NF2: variants seen among roughly 807,000 people sequenced by gnomAD.
NF2 encodes the protein merlin.
Under a neutral mutation model 83.7 loss-of-function variants are expected in NF2, and 8 were observed. The ratio of observed to expected loss-of-function variants is 0.10; its 90% CI spans 0.06 to 0.17. The LOEUF (loss-of-function observed/expected upper bound fraction) is 0.17, where lower values mean the gene tolerates loss of function less well. Ranked by LOEUF, NF2 falls within the 10% of genes least tolerant of loss-of-function variation. The pLI is 1.00. For synonymous variants in NF2, 266 were observed against 269.6 expected (o/e 0.99, Z 0.13); for missense variants, 533 against 744.4 (o/e 0.72, Z 3.31).
intron 15 of NF2, chr22:29,682,869 G>C: frequency 1.2e-6 from 1 of 857,010 alleles, no homozygotes; most frequent in Non-Finnish European, 1.9e-6. Flanking sequence ...CAGTGTGAGA[G>C]CTGGAGAGAC....
intron 9 of NF2, among the ~76,000 whole-genome samples, chr22:29,666,701 C>T (rs1215496290): frequency 6.6e-6 from 1 of 152,066 alleles, no homozygotes; most frequent in Non-Finnish European, 1.5e-5. Context: ...GAGGGCCAGG[C>T]ACAGTGGCTC....
intron 15 of NF2, among the ~76,000 whole-genome samples, chr22:29,688,147 G>C (rs2067312862): frequency 6.6e-6 from 1 of 152,236 alleles, no homozygotes; most frequent in Admixed American, 6.5e-5. Flanking sequence ...TTTTGGTTAA[G>C]AGACTTTACC....
chr22:29,691,543 G>A (rs181769493), intron 15 of NF2, among the ~76,000 whole-genome samples: 2 of 152,316 alleles, frequency 1.3e-5, no homozygotes, highest in East Asian at 3.9e-4. Flanking sequence ...AAGAAGACTC[G>A]GAGGCAGAGT....
intron 14 of NF2, among the ~76,000 whole-genome samples, chr22:29,680,425 A>C (rs867349926): frequency 2.6e-5 from 4 of 152,216 alleles, no homozygotes; most frequent in African/African-American, 9.7e-5. Context: ...TTAGGTTTCC[A>C]CATATGAATT....
Position 29,603,749 on chromosome 22 carries a change from T to A in NF2, c.-250T>A. 3.9e-6 allele frequency: 2 copies of A among 515,726 alleles called. No homozygotes were observed. Among genetic ancestry groups the A allele is most frequent in the Non-Finnish European group, 3.4e-6 (1 of 295,076 alleles). 31.9% of individuals were successfully genotyped at this position (515,726 alleles called of 1,614,324 possible). A position where few individuals can be genotyped will look rare whatever the true frequency, so the allele number is the denominator to read the frequency against. On this transcript the variant is annotated 5_prime_UTR_variant, in exon 1 of 16. Transcript: ENST00000338641. Reference sequence around the variant, plus strand: ...GAATCCCGGAGTGCCGGGTCGCGCCTGCACCGAAGGTCCCGGCTCCTGTGC... The same window carrying A: ...GAATCCCGGAGTGCCGGGTCGCGCCAGCACCGAAGGTCCCGGCTCCTGTGC...
intron 1 of NF2, among the ~76,000 whole-genome samples, chr22:29,635,949 A>G (rs2065637220): frequency 6.6e-6 from 1 of 152,208 alleles, no homozygotes; most frequent in African/African-American, 2.4e-5. Context: ...AGGTGGCAAC[A>G]TTTACTAAGT....
intron 4 of NF2, among the ~76,000 whole-genome samples, chr22:29,651,418 T>G (rs1394309329): frequency 6.6e-6 from 1 of 152,216 alleles, no homozygotes; most frequent in Non-Finnish European, 1.5e-5. Context: ...GAGTACCAAA[T>G]TAGGTACAGG....
intron 9 of NF2, among the ~76,000 whole-genome samples, chr22:29,667,741 C>A (rs1056245836): frequency 6.6e-6 from 1 of 152,024 alleles, no homozygotes; most frequent in African/African-American, 2.4e-5. Context: ...TTTTTTATGT[C>A]TTGACAATAA....
chr22:29,609,801 T>A (rs2146694812), intron 1 of NF2, among the ~76,000 whole-genome samples: 1 of 152,300 alleles, frequency 6.6e-6, no homozygotes, highest in East Asian at 1.9e-4. Context: ...GAAAAGTGTC[T>A]TAATGTCTAA....
chr22:29,670,133 G>A (rs1234297332), intron 10 of NF2, among the ~76,000 whole-genome samples: 3 of 151,946 alleles, frequency 2.0e-5, no homozygotes, highest in Non-Finnish European at 2.9e-5. Flanking sequence ...CAAGTAGCTG[G>A]GACTACAAGT....
At position 29,697,982 on chromosome 22, in the gene NF2, G is replaced by A; in HGVS notation, c.*3180G>A. ...TGGTTTCATTACGAGCCCTTCTGCT[G>A]GCTCTCAGGCAGAAGCCCCACAGCA... is the stretch of plus-strand genomic sequence containing the variant. On this transcript the variant is annotated 3_prime_UTR_variant, in exon 16 of 16. Coordinates refer to ENST00000338641, the MANE Select transcript of NF2 (RefSeq NM_000268.4). 1 of 227,490 alleles carries A rather than the reference G, an allele frequency of 4.4e-6. No individual in the cohort carries two copies. The highest frequency in any genetic ancestry group is 8.7e-6 in the Non-Finnish European group (1 of 114,338). The allele number at this position is 227,490 out of a possible 1,614,324, so 14.1% of individuals were successfully genotyped here.
At chr22:29,637,050 C>A in intron 2 of NF2, 174 bp downstream of exon 2, 1 of 896,766 alleles carries the variant, frequency 1.1e-6, no homozygotes, top group Non-Finnish European at 1.8e-6. Context: ...GTTTCCTTCT[C>A]CTCACAGGCT....
At chr22:29,618,821 G>A (rs2065138841) in intron 1 of NF2, among the ~76,000 whole-genome samples, 1 of 152,180 alleles carries the variant, frequency 6.6e-6, no homozygotes, top group South Asian at 2.1e-4. Flanking sequence ...CAGCATACAA[G>A]TGGACGTAAG....
Position 29,695,994 on chromosome 22 carries a change from G to A in NF2, c.*1192G>A, listed in dbSNP as rs761248952. On this transcript the variant is annotated 3_prime_UTR_variant, in exon 16 of 16. Coordinates refer to ENST00000338641, the MANE Select transcript of NF2 (RefSeq NM_000268.4). This position sits in a 1 kb window ranked among gnomAD's most constrained non-coding sequence, Gnocchi z 5.4. ...AGGCTGTCACAGGACCCACCTCCATGCCAGGCAACAGAGGGCCACAGAACC... is the reference window on the plus strand; with the variant it reads ...AGGCTGTCACAGGACCCACCTCCATACCAGGCAACAGAGGGCCACAGAACC... The A allele has an allele frequency of 3.0e-5, 7 of 232,396 alleles. No homozygotes were observed. Among genetic ancestry groups the A allele is most frequent in the Admixed American group, 5.6e-5 (1 of 17,722 alleles). The allele number at this position is 232,396 out of a possible 1,614,324, so 14.4% of individuals were successfully genotyped here.
In NF2 at chr22:29,603,800, C is replaced by T. The variant is rs976183982; in HGVS notation, c.-199C>T. On this transcript the variant is annotated 5_prime_UTR_variant, in exon 1 of 16. Coordinates refer to ENST00000338641, the MANE Select transcript of NF2 (RefSeq NM_000268.4). ...CCTCCCTGCAGCCGTCAGGGCCCGTCCCCCAACTCCCCTTTCCGCTCAGGC... is the reference window on the plus strand; with the variant it reads ...CCTCCCTGCAGCCGTCAGGGCCCGTTCCCCAACTCCCCTTTCCGCTCAGGC... 6 of 576,206 alleles carry T rather than the reference C, an allele frequency of 1.0e-5. No individual in the cohort carries two copies. The highest frequency in any genetic ancestry group is 9.2e-6 in the Non-Finnish European group (3 of 327,028). 35.7% of individuals were successfully genotyped at this position (576,206 alleles called of 1,614,324 possible).
intron 1 of NF2, among the ~76,000 whole-genome samples, chr22:29,614,335 T>C (rs1341363756): frequency 1.3e-5 from 2 of 151,820 alleles, no homozygotes; most frequent in Non-Finnish European, 2.9e-5. Flanking sequence ...TCCCAGCACT[T>C]CGGGAGGCCG....
chr22:29,659,754 T>C (rs891570564), intron 7 of NF2, among the ~76,000 whole-genome samples: 8 of 152,088 alleles, frequency 5.3e-5, no homozygotes, highest in African/African-American at 1.9e-4. Flanking sequence ...AACTAAATAG[T>C]CAGAAACTAT....
At chr22:29,645,950 T>A (rs1293070575) in intron 4 of NF2, among the ~76,000 whole-genome samples, 2 of 152,214 alleles carry the variant, frequency 1.3e-5, no homozygotes, top group Non-Finnish European at 2.9e-5. Flanking sequence ...AAAGGTAATC[T>A]ATGGCTTAAA....
At chr22:29,684,357 G>A (rs551080137) in intron 15 of NF2, among the ~76,000 whole-genome samples, 2 of 151,708 alleles carry the variant, frequency 1.3e-5, no homozygotes, top group African/African-American at 2.4e-5. Flanking sequence ...CAGCCAGGTG[G>A]ACCCACCTTG....
Sources: allele counts gnomAD v4.1 joint callset (sites outside exome capture counted in the v4.1 genomes callset), GRCh38; gene constraint gnomAD v4.1.1; non-coding constraint Gnocchi (gnomAD v3.1); transcripts MANE v1.5; gene names NCBI Gene and HGNC (gene_info 2026-07-23, HGNC 2026-07-21).